RNPS1: variants seen among roughly 807,000 people sequenced by gnomAD.
RNPS1 encodes the protein RNA binding protein with serine rich domain 1.
For synonymous variants in RNPS1, 147 were observed against 150.0 expected, an observed-to-expected ratio of 0.98 and a Z score of 0.15; for missense variants, 300 against 427.6, an observed-to-expected ratio of 0.70 and a Z score of 2.63.
intron 1 of RNPS1, 135 bp from the exon 2 acceptor site, chr16:2,264,895 C>A: frequency 1.7e-6 from 1 of 601,388 alleles, no homozygotes; most frequent in Non-Finnish European, 2.7e-6. Flanking sequence ...CAGTCAGGAA[C>A]ACATAGGGAC....
At chr16:2,262,928 T>C (rs1316614717) in intron 4 of RNPS1, 86 bp from the exon 5 acceptor site, 4 of 1,336,474 alleles carry the variant, frequency 3.0e-6, no homozygotes, top group African/African-American at 1.5e-5. Flanking sequence ...TATCTGCTTG[T>C]GTGACAGTTT....
At position 2,263,122 on chromosome 16, in the gene RNPS1, G is replaced by C. The variant is rs753971727; in HGVS notation, c.393C>G (p.His131Gln). ...TGGAGCGGGAGCGCCTCCTGTTGTC[G>C]TGTCTGCGCCGAGAAGGACTTGGAG... is the stretch of plus-strand genomic sequence containing the variant. The part of the protein sequence containing the change: ...SGSPSPSRRR[H>Q]DNRRRSRSKS... Residue 131 changes from histidine to glutamine, a missense_variant, in exon 4 of 8, where the codon CAC becomes CAG. His to Gln is a conservative substitution (Grantham distance 24, BLOSUM62 0). Coordinates refer to ENST00000320225, the MANE Select transcript of RNPS1 (RefSeq NM_080594.4). 5 of 1,612,914 alleles carry C rather than the reference G, an allele frequency of 3.1e-6. No individual in the cohort carries two copies. In the African/African-American group the frequency reaches 4.0e-5, roughly 13 times the overall value.
intron 5 of RNPS1, 66 bp from the exon 6 acceptor site, chr16:2,262,497 C>T (rs1201148865): frequency 9.6e-6 from 15 of 1,564,254 alleles, no homozygotes; most frequent in East Asian, 2.2e-5. Context: ...GCAGAGAGCT[C>T]AGCACATCAT....
At chr16:2,264,936 C>T (rs1359147633) in intron 1 of RNPS1, 176 bp from the exon 2 acceptor site, 7 of 358,672 alleles carry the variant, frequency 2.0e-5, no homozygotes, top group African/African-American at 1.0e-4. Context: ...GGCGTCTCTA[C>T]CCCGCAGAGG....
chr16:2,265,885 A>G (rs2093623128), intron 1 of RNPS1: 1 of 154,092 alleles, frequency 6.5e-6, no homozygotes. Context: ...AGGCATTGAA[A>G]TTGCGTGAGA....
chr16:2,264,704 C>A lies in RNPS1; in HGVS notation c.-61G>T. The A allele has an allele frequency of 6.3e-7, 1 of 1,596,508 alleles. No individual in the cohort carries two copies. Among genetic ancestry groups the A allele is most frequent in the South Asian group, 1.1e-5 (1 of 89,522 alleles). On this transcript the variant is annotated 5_prime_UTR_variant, in exon 2 of 8. Transcript: ENST00000320225. ...GCCTCACTTATCTGAACTCTCACTTCTAACTTGATTCTGAGAAACGATCCC... is the reference window on the plus strand; with the variant it reads ...GCCTCACTTATCTGAACTCTCACTTATAACTTGATTCTGAGAAACGATCCC...
intron 1 of RNPS1, chr16:2,266,076 C>G: frequency 1.0e-6 from 1 of 981,436 alleles, no homozygotes. Flanking sequence ...AAGTGAAGAT[C>G]TCAGGAATGG....
chr16:2,262,227 T>C (rs2093605846), intron 6 of RNPS1, 51 bp downstream of exon 6: 1 of 1,571,042 alleles, frequency 6.4e-7, no homozygotes, highest in Non-Finnish European at 8.7e-7. Context: ...TGAAAGCCCC[T>C]CGCGGCGGCG....
intron 6 of RNPS1, 197 bp downstream of exon 6, chr16:2,262,081 C>T (rs2093605273): frequency 1.9e-6 from 1 of 515,786 alleles, no homozygotes; most frequent in Admixed American, 3.6e-5. Context: ...AGTTAATGTG[C>T]ATCTTGTTAT....
At chr16:2,255,221 A>G (rs565143251) in intron 7 of RNPS1, among the ~76,000 whole-genome samples, 1 of 152,160 alleles carries the variant, frequency 6.6e-6, no homozygotes, top group Admixed American at 6.5e-5. Flanking sequence ...CTGCCGAGGG[A>G]TTACCACCCC....
rs1249451836 is a variant in RNPS1 at position 2,267,963 on chromosome 16, G to A, written c.-118+92C>T. 1.2e-5 allele frequency: 18 copies of A among 1,533,096 alleles called. No homozygotes were observed. In the East Asian group the frequency reaches 4.2e-4, roughly 35 times the overall value. 95.0% of individuals were successfully genotyped at this position (1,533,096 alleles called of 1,614,324 possible). A position where few individuals can be genotyped will look rare whatever the true frequency, so the allele number is the denominator to read the frequency against. On this transcript the variant is annotated intron_variant, in intron 1 of 7. Transcript: ENST00000320225. ...TGCCAGGCCACCGCCGCACTGCGGGGCTGAGGAGTGGACCGGCTTCACGAG... is the reference window on the plus strand; with the variant it reads ...TGCCAGGCCACCGCCGCACTGCGGGACTGAGGAGTGGACCGGCTTCACGAG...
chr16:2,265,486 A>ATT (rs34309123), intron 1 of RNPS1: 46,014 of 143,160 alleles, frequency 0.32, 9,006 homozygotes, highest in Admixed American at 0.44. Context: ...TTAACCTCTG[A>ATT]TTTTTTTTTT....
intron 5 of RNPS1, 63 bp from the exon 6 acceptor site, chr16:2,262,494 G>A: frequency 1.3e-6 from 2 of 1,568,826 alleles, no homozygotes; most frequent in Admixed American, 3.4e-5. Context: ...GACGCAGAGA[G>A]CTCAGCACAT....
intron 6 of RNPS1, among the ~76,000 whole-genome samples, chr16:2,259,680 G>C (rs942518950): frequency 6.6e-6 from 1 of 152,190 alleles, no homozygotes; most frequent in East Asian, 1.9e-4. Flanking sequence ...ACGAGGTCAG[G>C]AGATCCAGAC....
chr16:2,264,124 G>A, intron 3 of RNPS1, 52 bp downstream of exon 3: 1 of 1,598,146 alleles, frequency 6.3e-7, no homozygotes, highest in Non-Finnish European at 8.6e-7. Flanking sequence ...TGGGGAGTGG[G>A]GGTGTAGCTG....
intron 1 of RNPS1, chr16:2,267,210 T>G (rs2093628465): frequency 1.0e-6 from 1 of 985,148 alleles, no homozygotes; most frequent in South Asian, 4.7e-5. Flanking sequence ...CTCGGTTACC[T>G]CCCCCATCCT....
chr16:2,264,021 C>T (rs747760828), intron 3 of RNPS1, 155 bp downstream of exon 3: 5 of 893,824 alleles, frequency 5.6e-6, no homozygotes, highest in Non-Finnish European at 8.4e-6. Flanking sequence ...TGAGCCACCA[C>T]TGCACCTAGC....
chr16:2,257,029 CTT>C (rs1446834743), intron 6 of RNPS1: 1 of 152,166 alleles, frequency 6.6e-6, no homozygotes, highest in East Asian at 1.9e-4. Context: ...ATGCCAAAGA[CTT>C]TGTGTTTGGA....
At chr16:2,264,454 G>T in intron 2 of RNPS1, 119 bp downstream of exon 2, 2 of 1,532,330 alleles carry the variant, frequency 1.3e-6, no homozygotes, top group Non-Finnish European at 1.8e-6. Context: ...AGAGCAAAGT[G>T]GTCTGTGGCT....
Sources: gnomAD v4.1 joint callset for allele counts (sites outside exome capture counted in the v4.1 genomes callset) on GRCh38, gnomAD v4.1.1 for gene constraint, MANE v1.5 for transcripts, NCBI Gene and HGNC (gene_info 2026-07-23, HGNC 2026-07-21) for gene names.